The following ZNF106 variants were observed in gnomAD, a reference collection of about 807,000 sequenced individuals.
ZNF106 encodes zinc finger protein 106, also known as SH3-domain binding protein 3.
In ZNF106, 67 loss-of-function variants were observed where a neutral mutation model predicts 195.1. The observed-to-expected ratio is 0.34, with a 90% CI of 0.28 to 0.42. The LOEUF (loss-of-function observed/expected upper bound fraction) is 0.42, where lower values mean the gene tolerates loss of function less well. ZNF106 is among the 10% of genes least tolerant of loss of function. The pLI is 1.00. For missense variants in ZNF106, 2,118 were observed against 2,304.5 expected, an observed-to-expected ratio of 0.92 and a Z score of 1.66; for synonymous variants, 784 against 818.6, an observed-to-expected ratio of 0.96 and a Z score of 0.72.
Position 42,450,929 on chromosome 15 carries a change from G to T in ZNF106, c.1343C>A (p.Ser448Tyr), listed in dbSNP as rs138256080. 1 of 1,614,072 alleles carries T rather than the reference G, an allele frequency of 6.2e-7. No homozygotes were observed. The highest frequency in any genetic ancestry group is 1.7e-5 in the Admixed American group (1 of 59,988). Residue 448 changes from serine (S) to tyrosine (Y), a missense_variant, in exon 5 of 22, where the codon TCC becomes TAC. Transcript: ENST00000564754. The part of the protein sequence containing the change: ...NHKASSDSAA[S>Y]FEVVRQCPTA... ...GGGGCACTGTCTCACCACCTCGAAG[G>T]AAGCAGCGGAATCAGAAGAGGCCTT...
At chr15:42,432,925 A>T (rs572630594) in intron 14 of ZNF106, among the ~76,000 whole-genome samples, 48 of 152,104 alleles carry the variant, frequency 3.2e-4, no homozygotes, top group African/African-American at 1.1e-3. Flanking sequence ...AAAGATTTTG[A>T]TGTTACTTTT....
chr15:42,427,918 G>T, intron 15 of ZNF106, 100 bp downstream of exon 15: 1 of 969,974 alleles, frequency 1.0e-6, no homozygotes, highest in Non-Finnish European at 1.6e-6. Flanking sequence ...CTTCCTCACA[G>T]AAGAAAATAG....
intron 17 of ZNF106, among the ~76,000 whole-genome samples, chr15:42,422,876 A>G (rs567359721): frequency 7.9e-5 from 12 of 152,078 alleles, no homozygotes; most frequent in African/African-American, 2.7e-4. Context: ...TAGTCATGGA[A>G]AGAAAGCGGC....
At chr15:42,424,635 C>T (rs2054787569) in intron 16 of ZNF106, 199 bp downstream of exon 16, 3 of 543,302 alleles carry the variant, frequency 5.5e-6, no homozygotes, top group Admixed American at 6.4e-5. Context: ...CACACCACAA[C>T]ATCCCGCTAA....
At chr15:42,428,969 A>G (rs2054956884) in intron 14 of ZNF106, among the ~76,000 whole-genome samples, 1 of 151,142 alleles carries the variant, frequency 6.6e-6, no homozygotes, top group South Asian at 2.1e-4. Flanking sequence ...GTTTCATCGT[A>G]TTAGCCAGGA....
chr15:42,435,826 A>G (rs2055253050), intron 13 of ZNF106, among the ~76,000 whole-genome samples: 1 of 152,238 alleles, frequency 6.6e-6, no homozygotes, highest in Non-Finnish European at 1.5e-5. Flanking sequence ...ATATGGACCA[A>G]GGACCTAGCA....
At chr15:42,429,940 A>G (rs914391009) in intron 14 of ZNF106, among the ~76,000 whole-genome samples, 4 of 152,086 alleles carry the variant, frequency 2.6e-5, no homozygotes, top group Admixed American at 6.5e-5. Context: ...GTAATCTATG[A>G]CAGGAGTCAA....
intron 2 of ZNF106, among the ~76,000 whole-genome samples, chr15:42,468,709 C>G (rs1366954615): frequency 6.6e-6 from 1 of 151,234 alleles, no homozygotes; most frequent in Admixed American, 6.6e-5. Context: ...CGCCATTGCA[C>G]TCCAGCCTGG....
chr15:42,422,711 G>A, intron 17 of ZNF106, 91 bp from the exon 18 acceptor site: 1 of 1,348,220 alleles, frequency 7.4e-7, no homozygotes, highest in Non-Finnish European at 1.0e-6. Flanking sequence ...ATAATTCTGA[G>A]GATACTGTAC....
intron 1 of ZNF106, among the ~76,000 whole-genome samples, chr15:42,477,441 C>T (rs1382971833): frequency 6.6e-6 from 1 of 152,110 alleles, no homozygotes; most frequent in Non-Finnish European, 1.5e-5. Flanking sequence ...TCCATATACC[C>T]CACCTCTAGT....
chr15:42,423,883 G>A (rs527784378), intron 17 of ZNF106, 115 bp downstream of exon 17: 17 of 938,310 alleles, frequency 1.8e-5, no homozygotes, highest in South Asian at 1.5e-4. Flanking sequence ...GGATGATTAC[G>A]AATCCCTTCG....
chr15:42,431,582 G>C (rs1375596760), intron 14 of ZNF106, among the ~76,000 whole-genome samples: 1 of 151,704 alleles, frequency 6.6e-6, no homozygotes, highest in Non-Finnish European at 1.5e-5. Flanking sequence ...TTTTATTTTT[G>C]TTTATTTATT....
In ZNF106 at chr15:42,439,441, C is replaced by A. The variant is rs187609163; in HGVS notation, c.4136G>T (p.Arg1379Leu). Residue 1379 changes from arginine to leucine, a missense_variant, in exon 11 of 22, where the codon CGG (arginine) becomes CTG (leucine). Arg to Leu is a moderately radical substitution (Grantham distance 102, BLOSUM62 -2). Coordinates refer to ENST00000564754, the MANE Select transcript of ZNF106 (RefSeq NM_001366845.3). Reference sequence around the variant, plus strand: ...GGCAGCCCGTAGACTTTTCTTCTTCCGGAGTTTCTTCTTTTTCTTGCTTCC... The same window carrying A: ...GGCAGCCCGTAGACTTTTCTTCTTCAGGAGTTTCTTCTTTTTCTTGCTTCC... ...TRGSKKKKKL[R>L]KKKSLRAAHV... is the part of the protein sequence containing the mutation. 7 of 1,613,324 alleles carry A rather than the reference C, an allele frequency of 4.3e-6. No individual in the cohort carries two copies. Among genetic ancestry groups the A allele is most frequent in the Non-Finnish European group, 5.1e-6 (6 of 1,179,896 alleles).
rs770059784 is a variant in ZNF106, at chr15:42,450,563, G to A, written c.1709C>T (p.Ser570Leu). The change falls in exon 5 of 22, where the codon TCA (serine) becomes TTA (leucine). Residue 570 changes from serine (S) to leucine (L), a missense_variant. By Grantham distance (145) the Ser-to-Leu change is moderately radical (BLOSUM62 -2). Transcript: ENST00000564754. Reference sequence around the variant, plus strand: ...AGTGCTAAGAAGTGGATTTTGCAATGACTCATGACACTGTAGCACCTCTTT... The same window carrying A: ...AGTGCTAAGAAGTGGATTTTGCAATAACTCATGACACTGTAGCACCTCTTT... ...KAKEVLQCHE[S>L]LQNPLLSTSK... The A allele has an allele frequency of 2.4e-5, 38 of 1,614,036 alleles. No homozygotes were observed. In the Middle Eastern group the frequency reaches 2.3e-3, roughly 98 times the overall value.
At chr15:42,446,042 T>C (rs996019621) in intron 7 of ZNF106, among the ~76,000 whole-genome samples, 3 of 152,184 alleles carry the variant, frequency 2.0e-5, no homozygotes, top group African/African-American at 7.2e-5. Context: ...TTCATCCCAC[T>C]GAAAAGGCTC....
chr15:42,432,860 G>A (rs2055106374), intron 14 of ZNF106, among the ~76,000 whole-genome samples: 1 of 152,120 alleles, frequency 6.6e-6, no homozygotes, highest in African/African-American at 2.4e-5. Flanking sequence ...ACCCTAGCCA[G>A]GGTGACAGGC....
At chr15:42,465,767 G>A (rs2056501556) in intron 3 of ZNF106, among the ~76,000 whole-genome samples, 1 of 152,196 alleles carries the variant, frequency 6.6e-6, no homozygotes, top group South Asian at 2.1e-4. Context: ...ACGTAGGAAT[G>A]AGAAAGCTTA....
chr15:42,472,670 G>C (rs1299525018), intron 1 of ZNF106, among the ~76,000 whole-genome samples: 2 of 152,142 alleles, frequency 1.3e-5, no homozygotes, highest in African/African-American at 2.4e-5. Context: ...TCTCAAAACA[G>C]TGTTTTGAGA....
intron 10 of ZNF106, chr15:42,441,748 A>T: frequency 5.3e-6 from 1 of 190,036 alleles, no homozygotes; most frequent in East Asian, 1.3e-4. Context: ...TTATTCAGAA[A>T]ATTGGCTGAA....
Sources: allele counts gnomAD v4.1 joint callset (sites outside exome capture counted in the v4.1 genomes callset), GRCh38; gene constraint gnomAD v4.1.1; transcripts MANE v1.5; gene names NCBI Gene and HGNC (gene_info 2026-07-23, HGNC 2026-07-21).